Variants in CHCHD6 observed in about 807,000 individuals in gnomAD.
CHCHD6 encodes coiled-coil-helix-coiled-coil-helix domain containing 6, also known as MICOS complex subunit MIC25.
CHCHD6 carries 28 observed loss-of-function variants against 32.3 expected under a neutral mutation model. The ratio of observed to expected loss-of-function variants is 0.87; its 90% CI spans 0.64 to 1.19. CHCHD6 has a LOEUF of 1.19. Among genes scored for constraint, CHCHD6 ranks in the 50% most tolerant of loss-of-function variants. CHCHD6 has a pLI of 0.00. For missense variants in CHCHD6, 333 were observed against 307.0 expected (o/e 1.08, Z -0.63); for synonymous variants, 122 against 117.5 (o/e 1.04, Z -0.25).
chr3:126,868,940 C>G (rs1325611204), intron 5 of CHCHD6, among the ~76,000 whole-genome samples: 1 of 152,204 alleles, frequency 6.6e-6, no homozygotes. Context: ...TGTAGCAGCT[C>G]TCACTCCACC....
At chr3:126,779,777 T>C (rs994423567) in intron 4 of CHCHD6, among the ~76,000 whole-genome samples, 1 of 152,206 alleles carries the variant, frequency 6.6e-6, no homozygotes, top group Non-Finnish European at 1.5e-5. Context: ...CAAGCATATA[T>C]AGTTGATTTC....
At chr3:126,910,138 A>C (rs1458197223) in intron 5 of CHCHD6, among the ~76,000 whole-genome samples, 1 of 152,084 alleles carries the variant, frequency 6.6e-6, no homozygotes, top group Non-Finnish European at 1.5e-5. Context: ...TTAGCTGGGC[A>C]GGATGGCACA....
At chr3:126,915,301 C>T (rs910978758) in intron 6 of CHCHD6, among the ~76,000 whole-genome samples, 1 of 152,220 alleles carries the variant, frequency 6.6e-6, no homozygotes, top group African/African-American at 2.4e-5. Flanking sequence ...CATTCTGTCC[C>T]CTGTCTGTGG....
intron 6 of CHCHD6, among the ~76,000 whole-genome samples, chr3:126,947,242 T>G (rs1331094284): frequency 6.6e-6 from 1 of 152,232 alleles, no homozygotes; most frequent in Non-Finnish European, 1.5e-5. Context: ...TTCTGTTTGC[T>G]TTTCTTCCCA....
intron 5 of CHCHD6, among the ~76,000 whole-genome samples, chr3:126,883,745 A>G (rs2077642827): frequency 6.6e-6 from 1 of 152,328 alleles, no homozygotes; most frequent in African/African-American, 2.4e-5. Context: ...CATGGTTTCT[A>G]ATTCTAAGCC....
chr3:126,714,840 T>A (rs145088615), intron 1 of CHCHD6, among the ~76,000 whole-genome samples: 430 of 152,278 alleles, frequency 2.8e-3, no homozygotes, highest in African/African-American at 9.8e-3. Context: ...TCTCTGCAGC[T>A]CACTCTCTTC....
At chr3:126,819,268 C>T (rs971843488) in intron 4 of CHCHD6, among the ~76,000 whole-genome samples, 1 of 152,102 alleles carries the variant, frequency 6.6e-6, no homozygotes, top group South Asian at 2.1e-4. Context: ...AGTGCACAGC[C>T]GCTGTTCTCT....
At chr3:126,799,766 GAAGA>G (rs1242461007) in intron 4 of CHCHD6, among the ~76,000 whole-genome samples, 2 of 152,182 alleles carry the variant, frequency 1.3e-5, no homozygotes, top group African/African-American at 4.8e-5. Context: ...ACAGCAAAAA[GAAGA>G]AAGAAACACC....
intron 4 of CHCHD6, chr3:126,767,228 T>C (rs1283698669): frequency 5.9e-6 from 9 of 1,517,506 alleles, no homozygotes; most frequent in Non-Finnish European, 8.2e-6. Context: ...CTGGCCATTG[T>C]ATATTATCTG....
At chr3:126,802,992 C>A (rs2107691560) in intron 4 of CHCHD6, among the ~76,000 whole-genome samples, 1 of 152,058 alleles carries the variant, frequency 6.6e-6, no homozygotes, top group South Asian at 2.1e-4. Context: ...GAAATAAAAT[C>A]CTTTACAGAC....
intron 4 of CHCHD6, among the ~76,000 whole-genome samples, chr3:126,793,962 C>A (rs1576423901): frequency 6.6e-6 from 1 of 152,074 alleles, no homozygotes; most frequent in East Asian, 1.9e-4. Flanking sequence ...TTGAGAAATT[C>A]ACTGTCATTT....
At chr3:126,916,916 G>T (rs940712999) in intron 6 of CHCHD6, among the ~76,000 whole-genome samples, 4 of 152,244 alleles carry the variant, frequency 2.6e-5, no homozygotes, top group African/African-American at 9.6e-5. Context: ...CCTGGAGCCA[G>T]GACCCACCTG....
intron 5 of CHCHD6, among the ~76,000 whole-genome samples, chr3:126,909,166 G>A (rs2078048097): frequency 6.6e-6 from 1 of 152,200 alleles, no homozygotes; most frequent in Non-Finnish European, 1.5e-5. Flanking sequence ...GTGGTTAGGG[G>A]GTGTCTTTCA....
At chr3:126,709,129 A>G (rs924007698) in intron 1 of CHCHD6, among the ~76,000 whole-genome samples, 4 of 152,200 alleles carry the variant, frequency 2.6e-5, no homozygotes, top group Non-Finnish European at 4.4e-5. Flanking sequence ...AAAGATTTGT[A>G]TAATTTTTTT....
intron 5 of CHCHD6, among the ~76,000 whole-genome samples, chr3:126,853,989 G>A (rs1188200134): frequency 6.6e-6 from 1 of 152,152 alleles, no homozygotes; most frequent in Non-Finnish European, 1.5e-5. Context: ...TGCTCCCCAT[G>A]TTTCCCTTCC....
intron 4 of CHCHD6, among the ~76,000 whole-genome samples, chr3:126,786,807 G>A (rs1481365085): frequency 6.6e-6 from 1 of 152,078 alleles, no homozygotes; most frequent in Non-Finnish European, 1.5e-5. Context: ...TTCTTTTGCT[G>A]TGCAGAAGCT....
chr3:126,742,064 T>C (rs969301444), intron 4 of CHCHD6, among the ~76,000 whole-genome samples: 1 of 152,204 alleles, frequency 6.6e-6, no homozygotes, highest in Non-Finnish European at 1.5e-5. Context: ...GTGTTACCAC[T>C]CCCTTGGTGA....
rs750374329 is a variant in CHCHD6 at position 126,914,757 on chromosome 3, ATTTG to A, written c.566+11_566+14del. ...AGATGGAGAGCACAATAAAGTAAGA[ATTTG>A]TTTATTATTCTTTGTAAACTTGGCC... On this transcript the variant is annotated splice_region_variant and intron_variant, in intron 6 of 7. Transcript: ENST00000290913. The A allele has an allele frequency of 2.0e-6, 3 of 1,514,858 alleles. No individual in the cohort carries two copies. Among genetic ancestry groups the A allele is most frequent in the African/African-American group, 2.7e-5 (2 of 73,012 alleles). The allele number at this position is 1,514,858 out of a possible 1,614,324, so 93.8% of individuals were successfully genotyped here.
chr3:126,944,103 GAGA>G lies in CHCHD6; in HGVS notation c.567-13310_567-13308del, dbSNP rs1328269755. ...TAAGTTGGATCCACAGTGAGGATGG[GAGA>G]AGGAGGTAGGTTACAGAATTTCCAC... is the stretch of plus-strand genomic sequence containing the variant. On this transcript the variant is annotated intron_variant, in intron 6 of 7. Transcript: ENST00000290913. Among the ~76,000 whole-genome samples, 8 of 152,358 alleles carry G rather than the reference GAGA, an allele frequency of 5.3e-5. No homozygotes were observed. In the South Asian group the frequency reaches 1.4e-3, roughly 28 times the overall value.
Sources: allele counts gnomAD v4.1 joint callset (sites outside exome capture counted in the v4.1 genomes callset), GRCh38; gene constraint gnomAD v4.1.1; transcripts MANE v1.5; gene names NCBI Gene and HGNC (gene_info 2026-07-23, HGNC 2026-07-21).